The following C12orf60 variants were observed in gnomAD, a reference collection of about 807,000 sequenced individuals.
The protein encoded by C12orf60 is chromosome 12 open reading frame 60, also known as uncharacterized protein C12orf60.
For missense variants in C12orf60, 284 were observed against 283.2 expected (o/e 1.00, Z -0.02); for synonymous variants, 102 against 94.6 (o/e 1.08, Z -0.45).
At chr12:14,817,767 T>C (rs769973594) in intron 1 of C12orf60, among the ~76,000 whole-genome samples, 1 of 152,008 alleles carries the variant, frequency 6.6e-6, no homozygotes, top group Non-Finnish European at 1.5e-5. Flanking sequence ...TCTTTGCTGT[T>C]GTAAATAGTG....
In C12orf60 at chr12:14,803,678, A is replaced by C. The variant is rs1186040391; in HGVS notation, c.-98A>C. ...CTAGTACAATAGGAATTAGAAGAAG[A>C]TAGCTGCTAACTGAGTGGCTGACGG... is the stretch of plus-strand genomic sequence containing the variant. On this transcript the variant is annotated 5_prime_UTR_variant, in exon 1 of 2. Coordinates refer to ENST00000330828, the MANE Select transcript of C12orf60 (RefSeq NM_175874.4). 2.5e-6 allele frequency: 1 copy of C among 392,576 alleles called. No individual in the cohort carries two copies. The highest frequency in any genetic ancestry group is 4.5e-6 in the Non-Finnish European group (1 of 222,960). 24.3% of individuals were successfully genotyped at this position (392,576 alleles called of 1,614,324 possible). A position where few individuals can be genotyped will look rare whatever the true frequency, so the allele number is the denominator to read the frequency against.
rs906923743 is a variant in C12orf60, at chr12:14,823,836, A to C, written c.*163A>C. On this transcript the variant is annotated 3_prime_UTR_variant, in exon 2 of 2. Coordinates refer to ENST00000330828, the MANE Select transcript of C12orf60 (RefSeq NM_175874.4). Reference sequence around the variant, plus strand: ...TTTACCTGTAGTTTTGCTTTATTAAAATAAAAAGAAATAATTAAGAAAGCC... The same window carrying C: ...TTTACCTGTAGTTTTGCTTTATTAACATAAAAAGAAATAATTAAGAAAGCC... The C allele has an allele frequency of 9.7e-6, 5 of 513,014 alleles. No individual in the cohort carries two copies. The highest frequency in any genetic ancestry group is 1.3e-5 in the Non-Finnish European group (4 of 309,378). The allele number at this position is 513,014 out of a possible 1,614,324, so 31.8% of individuals were successfully genotyped here. A position where few individuals can be genotyped will look rare whatever the true frequency, so the allele number is the denominator to read the frequency against.
chr12:14,809,393 TC>T lies in C12orf60; in HGVS notation c.-25+5648del, dbSNP rs368450455. ...TTCAGAAAATAAAATAGAACTCTTC[TC>T]CCCCCAGTATTAAAACACCATAAAA... On this transcript the variant is annotated intron_variant, in intron 1 of 1. Transcript: ENST00000330828. Among the ~76,000 whole-genome samples the T allele has an allele frequency of 3.3e-4, 50 of 152,016 alleles. 1 individual carries two copies. The highest frequency in any genetic ancestry group is 9.9e-4 in the African/African-American group (41 of 41,450).
chr12:14,823,697 C>T lies in C12orf60; in HGVS notation c.*24C>T. ...AGGGATGCAACAGAAATGTTCATTT[C>T]TGTCAGAAAACTACTTAAAATCTTA... On this transcript the variant is annotated 3_prime_UTR_variant, in exon 2 of 2. Transcript: ENST00000330828. 1.3e-6 allele frequency: 2 copies of T among 1,514,786 alleles called. No homozygotes were observed. Among genetic ancestry groups the T allele is most frequent in the Non-Finnish European group, 1.8e-6 (2 of 1,136,058 alleles). 93.8% of individuals were successfully genotyped at this position (1,514,786 alleles called of 1,614,324 possible). A position where few individuals can be genotyped will look rare whatever the true frequency, so the allele number is the denominator to read the frequency against.
intron 1 of C12orf60, among the ~76,000 whole-genome samples, chr12:14,809,308 A>G (rs1714493316): frequency 6.6e-6 from 1 of 152,194 alleles, no homozygotes. Flanking sequence ...GTTTTAGCAC[A>G]ACTTCACGAA....
rs1950330513 is a variant in C12orf60 at position 14,823,065 on chromosome 12, C to T, written c.130C>T (p.Gln44Ter). 1.2e-6 allele frequency: 2 copies of T among 1,614,120 alleles called. No homozygotes were observed. Among genetic ancestry groups the T allele is most frequent in the South Asian group, 1.1e-5 (1 of 91,064 alleles). The change falls in exon 2 of 2, where the codon CAA becomes TAA. Residue 44 changes from glutamine (Q) to a stop codon, truncating the protein, a stop_gained. Transcript: ENST00000330828. LOFTEE classifies it low-confidence loss of function (END_TRUNC). The stretch of plus-strand genomic sequence containing the variant: ...ATTGTTTAGCCGCAGTATGAATACT[C>T]AAATCCTTTTGATGGCTGTGAAAAA... ...TELFSRSMNT[Q>*]ILLMAVKNNS...
At chr12:14,822,616 G>T (rs545259217) in intron 1 of C12orf60, among the ~76,000 whole-genome samples, 21 of 152,260 alleles carry the variant, frequency 1.4e-4, no homozygotes, top group African/African-American at 5.1e-4. Context: ...ATAGTTAAGG[G>T]TAGTATCCTT....
rs1272262569 is a variant in C12orf60, at chr12:14,803,764, G to A, written c.-25+13G>A. ...TGCTGGGAGCCTGGTACGTTGAGCC[G>A]TCCGAGAACGGTACATTCTGCAGAT... is the stretch of plus-strand genomic sequence containing the variant. On this transcript the variant is annotated intron_variant, in intron 1 of 1. Transcript: ENST00000330828. 5.8e-6 allele frequency: 2 copies of A among 344,994 alleles called. No individual in the cohort carries two copies. The highest frequency in any genetic ancestry group is 1.0e-5 in the Non-Finnish European group (2 of 192,676). The allele number at this position is 344,994 out of a possible 1,614,324, so 21.4% of individuals were successfully genotyped here.
intron 1 of C12orf60, among the ~76,000 whole-genome samples, chr12:14,822,629 G>T (rs1950324185): frequency 6.6e-6 from 1 of 152,170 alleles, no homozygotes; most frequent in East Asian, 1.9e-4. Context: ...GTATCCTTGA[G>T]TGTAGTGTAA....
intron 1 of C12orf60, among the ~76,000 whole-genome samples, chr12:14,813,193 G>A (rs1336536996): frequency 1.3e-5 from 2 of 152,148 alleles, no homozygotes; most frequent in African/African-American, 4.8e-5. Context: ...GAAAGAAAAA[G>A]AAAAACGTGA....
intron 1 of C12orf60, among the ~76,000 whole-genome samples, chr12:14,815,330 G>A (rs1226430858): frequency 6.6e-6 from 1 of 152,172 alleles, no homozygotes; most frequent in East Asian, 1.9e-4. Context: ...AGGTATGGAT[G>A]TTAAGTAGGA....
At chr12:14,822,788 G>T (rs751460950) in intron 1 of C12orf60, 124 bp from the exon 2 acceptor site, 1 of 707,796 alleles carries the variant, frequency 1.4e-6, no homozygotes, top group East Asian at 2.8e-5. Context: ...TTGTTTCAAC[G>T]TATGTATAGC....
At chr12:14,820,374 C>T (rs1950287433) in intron 1 of C12orf60, among the ~76,000 whole-genome samples, 1 of 151,214 alleles carries the variant, frequency 6.6e-6, no homozygotes, top group African/African-American at 2.4e-5. Context: ...TTATTTTTTC[C>T]TTTTGCTTAC....
chr12:14,806,520 A>T lies in C12orf60; in HGVS notation c.-25+2769A>T, dbSNP rs199916742. 3 of 1,614,042 alleles carry T rather than the reference A, an allele frequency of 1.9e-6. No homozygotes were observed. In the Admixed American group the frequency reaches 5.0e-5, roughly 27 times the overall value. On this transcript the variant is annotated intron_variant, in intron 1 of 1. Transcript: ENST00000330828. Reference sequence around the variant, plus strand: ...GATGGTCCCATCTCTTTTCATCTCAATGGAGGCCAGCCTGCACCCCAAGTG... The same window carrying T: ...GATGGTCCCATCTCTTTTCATCTCATTGGAGGCCAGCCTGCACCCCAAGTG...
At chr12:14,813,386 A>AAC (rs1245430051) in intron 1 of C12orf60, among the ~76,000 whole-genome samples, 1 of 152,232 alleles carries the variant, frequency 6.6e-6, no homozygotes, top group Non-Finnish European at 1.5e-5. Flanking sequence ...AACAGCTTCT[A>AAC]ACTAGTTCTG....
intron 1 of C12orf60, chr12:14,814,065 C>T (rs1235770249): frequency 6.6e-6 from 1 of 152,156 alleles, no homozygotes; most frequent in Admixed American, 6.5e-5. Flanking sequence ...ATTCAAATTC[C>T]TCCTACTACT....
rs553096299 is a variant in C12orf60, at chr12:14,821,942, C to A, written c.-24-970C>A. Among the ~76,000 whole-genome samples the A allele has an allele frequency of 4.0e-5, 6 of 148,566 alleles. No individual in the cohort carries two copies. The South Asian group carries it at 1.3e-3, about 33-fold the overall frequency. On this transcript the variant is annotated intron_variant, in intron 1 of 1. Coordinates refer to ENST00000330828, the MANE Select transcript of C12orf60 (RefSeq NM_175874.4). ...CCCCATAAGGACAGCGTTTTCACTGCCAGTTGACAGGGGCAGGGGCAAAGG... is the reference window on the plus strand; with the variant it reads ...CCCCATAAGGACAGCGTTTTCACTGACAGTTGACAGGGGCAGGGGCAAAGG...
rs776842204 is a variant in C12orf60, at chr12:14,806,447, C to T, written c.-25+2696C>T. The T allele has an allele frequency of 2.2e-5, 36 of 1,614,010 alleles. No individual in the cohort carries two copies. In the South Asian group the frequency reaches 3.8e-4, roughly 17 times the overall value. ...GTGCTTCATCAACCTTCTGCAATTCCTTTTGGATTTTCATAATGGCTTGGA... is the reference window on the plus strand; with the variant it reads ...GTGCTTCATCAACCTTCTGCAATTCTTTTTGGATTTTCATAATGGCTTGGA... On this transcript the variant is annotated intron_variant, in intron 1 of 1. Coordinates refer to ENST00000330828, the MANE Select transcript of C12orf60 (RefSeq NM_175874.4).
chr12:14,809,686 G>A (rs1433991396), intron 1 of C12orf60, among the ~76,000 whole-genome samples: 2 of 152,016 alleles, frequency 1.3e-5, no homozygotes, highest in Admixed American at 6.5e-5. Context: ...ATATCGGTAT[G>A]GAGTGGGACT....
Sources: allele counts gnomAD v4.1 joint callset (sites outside exome capture counted in the v4.1 genomes callset), GRCh38; gene constraint gnomAD v4.1.1; transcripts MANE v1.5; gene names NCBI Gene and HGNC (gene_info 2026-07-23, HGNC 2026-07-21).